MRPS27: variants seen among roughly 807,000 people sequenced by gnomAD.
The protein encoded by MRPS27 is small ribosomal subunit protein mS27.
A neutral mutation model predicts 48.9 loss-of-function variants in MRPS27; 43 were observed. The observed-to-expected ratio is 0.88, with a 90% confidence interval of 0.69 to 1.13. The LOEUF (loss-of-function observed/expected upper bound fraction) is 1.13, where lower values mean the gene tolerates loss of function less well. MRPS27 is among the 50% of genes most tolerant of loss of function. The pLI is 0.00. For missense variants in MRPS27, 467 were observed against 476.3 expected (o/e 0.98, Z 0.18); for synonymous variants, 188 against 171.9 (o/e 1.09, Z -0.73).
At chr5:72,288,973 G>A (rs1293856268) in intron 4 of MRPS27, 5 of 152,192 alleles carry the variant, frequency 3.3e-5, no homozygotes, top group Admixed American at 6.5e-5. Context: ...ATAGGCCTGG[G>A]GTGGTGCTAT....
rs143681047 is a variant in MRPS27 at position 72,247,486 on chromosome 5, A to C, written c.282-9358T>G. On this transcript the variant is annotated intron_variant, in intron 4 of 10. Transcript: ENST00000261413. ...TTCCACTAGCCTCCATTCCCCCACC[A>C]TATGGTACCCACTTTGGGCAGGCAA... is the stretch of plus-strand genomic sequence containing the variant. 3.6e-3 allele frequency among the ~76,000 whole-genome samples: 541 copies of C among 152,298 alleles called. 5 individuals are homozygous for C. Among genetic ancestry groups the C allele is most frequent in the Admixed American group, 7.1e-3 (108 of 15,292 alleles).
chr5:72,258,519 T>C (rs1347062783), intron 4 of MRPS27, among the ~76,000 whole-genome samples: 1 of 152,048 alleles, frequency 6.6e-6, no homozygotes, highest in Non-Finnish European at 1.5e-5. Flanking sequence ...TGCTGGGAAG[T>C]GGGGGCTAAT....
chr5:72,261,798 T>C (rs1163568912), intron 4 of MRPS27, among the ~76,000 whole-genome samples: 1 of 152,200 alleles, frequency 6.6e-6, no homozygotes, highest in Non-Finnish European at 1.5e-5. Flanking sequence ...TTACCCCACA[T>C]TCCAGCATGG....
At chr5:72,284,060 T>C (rs1440849906) in intron 4 of MRPS27, among the ~76,000 whole-genome samples, 2 of 152,158 alleles carry the variant, frequency 1.3e-5, no homozygotes, top group Non-Finnish European at 2.9e-5. Flanking sequence ...TGAAATACTT[T>C]TATTATGATA....
intron 1 of MRPS27, chr5:72,314,369 G>A (rs1242892549): frequency 2.5e-6 from 1 of 396,822 alleles, no homozygotes; most frequent in Non-Finnish European, 4.6e-6. Context: ...CAGAAAAACA[G>A]GATTTTCACA....
intron 3 of MRPS27, among the ~76,000 whole-genome samples, chr5:72,297,367 G>A (rs1750008509): frequency 6.6e-6 from 1 of 152,144 alleles, no homozygotes; most frequent in South Asian, 2.1e-4. Context: ...TCATACAGCA[G>A]AATGTCATAT....
At chr5:72,278,235 G>A (rs954535669) in intron 4 of MRPS27, among the ~76,000 whole-genome samples, 1 of 152,052 alleles carries the variant, frequency 6.6e-6, no homozygotes, top group African/African-American at 2.4e-5. Context: ...GAGGTCAGGA[G>A]ATTGAGACCA....
chr5:72,292,188 A>G (rs1247887806), intron 4 of MRPS27, among the ~76,000 whole-genome samples: 2 of 107,396 alleles, frequency 1.9e-5, no homozygotes, highest in Non-Finnish European at 2.0e-5. Context: ...TTTTCCTTTT[A>G]TATGGGTATT....
chr5:72,274,856 A>C (rs1255751144), intron 4 of MRPS27, among the ~76,000 whole-genome samples: 1 of 152,196 alleles, frequency 6.6e-6, no homozygotes, highest in Non-Finnish European at 1.5e-5. Flanking sequence ...TCATGGGACT[A>C]CTGTTGTGTA....
chr5:72,261,724 C>G (rs115014733), intron 4 of MRPS27, among the ~76,000 whole-genome samples: 1 of 152,082 alleles, frequency 6.6e-6, no homozygotes, highest in Admixed American at 6.6e-5. Context: ...ATGTTATGTC[C>G]GTACTATAAA....
chr5:72,240,475 C>G (rs1424666596), intron 4 of MRPS27, among the ~76,000 whole-genome samples: 2 of 152,094 alleles, frequency 1.3e-5, no homozygotes, highest in Non-Finnish European at 2.9e-5. Flanking sequence ...AATTACTACC[C>G]TCACTCAAGA....
At chr5:72,285,753 G>C in intron 4 of MRPS27, among the ~76,000 whole-genome samples, 1 of 152,302 alleles carries the variant, frequency 6.6e-6, no homozygotes, top group African/African-American at 2.4e-5. Context: ...TCAAACTCCT[G>C]ACTTCAAGGG....
intron 5 of MRPS27, among the ~76,000 whole-genome samples, chr5:72,237,140 G>A (rs1317372850): frequency 1.3e-5 from 2 of 151,982 alleles, no homozygotes; most frequent in African/African-American, 4.8e-5. Flanking sequence ...GTGCCACGGT[G>A]CCTGGCCTTT....
At chr5:72,223,932 G>A in intron 9 of MRPS27, 82 bp from the exon 10 acceptor site, 1 of 1,377,464 alleles carries the variant, frequency 7.3e-7, no homozygotes. Flanking sequence ...GAAGGCGAAA[G>A]AAAGGAAGAA....
chr5:72,269,845 T>C (rs1749190367), intron 4 of MRPS27, among the ~76,000 whole-genome samples: 1 of 152,178 alleles, frequency 6.6e-6, no homozygotes, highest in African/African-American at 2.4e-5. Context: ...AATGTCTTTC[T>C]TAGTCTAATA....
chr5:72,220,769 T>C lies in MRPS27; in HGVS notation c.*140A>G. The stretch of plus-strand genomic sequence containing the variant: ...CATCTCGATGGGCAGTCATGGTGCC[T>C]TGCCATGTAGGGCACATAGCCTGCT... On this transcript the variant is annotated 3_prime_UTR_variant, in exon 11 of 11. Coordinates refer to ENST00000261413, the MANE Select transcript of MRPS27 (RefSeq NM_015084.3). 7.1e-6 allele frequency: 9 copies of C among 1,259,950 alleles called. No individual in the cohort carries two copies. The South Asian group carries it at 1.3e-4, about 18-fold the overall frequency. The allele number at this position is 1,259,950 out of a possible 1,614,324, so 78.0% of individuals were successfully genotyped here.
At chr5:72,298,937 TA>T (rs34268612) in intron 2 of MRPS27, among the ~76,000 whole-genome samples, 40,629 of 147,154 alleles carry the variant, frequency 0.28, 5,552 homozygotes, top group East Asian at 0.42. Context: ...TACACAGCCA[TA>T]AAAAAAAAAA....
chr5:72,234,499 A>T (rs1748151049), intron 5 of MRPS27, among the ~76,000 whole-genome samples: 1 of 152,052 alleles, frequency 6.6e-6, no homozygotes, highest in African/African-American at 2.4e-5. Flanking sequence ...AAAAAAGAAA[A>T]AAAGAAACCC....
chr5:72,293,223 C>T (rs1449486004), intron 4 of MRPS27, among the ~76,000 whole-genome samples: 6 of 151,626 alleles, frequency 4.0e-5, no homozygotes, highest in Non-Finnish European at 5.9e-5. Flanking sequence ...ACTGTTCCGA[C>T]GCAGCTTTGT....
Sources: gnomAD v4.1 joint callset for allele counts (sites outside exome capture counted in the v4.1 genomes callset) on GRCh38, gnomAD v4.1.1 for gene constraint, MANE v1.5 for transcripts, NCBI Gene and HGNC (gene_info 2026-07-23, HGNC 2026-07-21) for gene names.